The following SLCO6A1 variants were observed in gnomAD, a reference collection of about 807,000 sequenced individuals.
SLCO6A1 encodes the protein solute carrier organic anion transporter family member 6A1, also known as cancer/testis antigen 48.
A neutral mutation model predicts 72.7 loss-of-function variants in SLCO6A1; 65 were observed. The ratio of observed to expected loss-of-function variants is 0.89; its 90% CI spans 0.73 to 1.10. The LOEUF (loss-of-function observed/expected upper bound fraction) is 1.10. Among genes scored for constraint, SLCO6A1 ranks in the 50% least tolerant of loss-of-function variants. SLCO6A1 has a pLI of 0.00. For missense variants in SLCO6A1, 874 were observed against 872.6 expected (o/e 1.00, Z -0.02); for synonymous variants, 314 against 298.2 (o/e 1.05, Z -0.55).
intron 6 of SLCO6A1, among the ~76,000 whole-genome samples, chr5:102,440,515 G>A (rs528607270): frequency 1.3e-5 from 2 of 152,204 alleles, no homozygotes; most frequent in South Asian, 4.2e-4. Context: ...TCTACTTTAT[G>A]GTGAGTGTGT....
At chr5:102,418,187 T>A (rs1748396684) in intron 8 of SLCO6A1, among the ~76,000 whole-genome samples, 1 of 152,130 alleles carries the variant, frequency 6.6e-6, no homozygotes, top group African/African-American at 2.4e-5. Context: ...CATTTATACA[T>A]AAAGTATATG....
chr5:102,434,549 T>C (rs768747843), intron 7 of SLCO6A1, among the ~76,000 whole-genome samples: 27 of 152,318 alleles, frequency 1.8e-4, no homozygotes, highest in Admixed American at 6.5e-4. Context: ...TGGTGTCTTC[T>C]TCCAGCACAC....
At chr5:102,469,988 C>A (rs55660231) in intron 4 of SLCO6A1, among the ~76,000 whole-genome samples, 11 of 152,016 alleles carry the variant, frequency 7.2e-5, no homozygotes, top group Non-Finnish European at 1.2e-4. Flanking sequence ...GTTGAACCAG[C>A]CTTGCATCCC....
intron 10 of SLCO6A1, among the ~76,000 whole-genome samples, chr5:102,396,490 C>T (rs1462718558): frequency 6.6e-6 from 1 of 152,110 alleles, no homozygotes; most frequent in Non-Finnish European, 1.5e-5. Flanking sequence ...TAGAATCAGG[C>T]TATGTAGTTC....
chr5:102,416,368 T>A (rs1748286509), intron 8 of SLCO6A1, among the ~76,000 whole-genome samples: 1 of 151,908 alleles, frequency 6.6e-6, no homozygotes, highest in Non-Finnish European at 1.5e-5. Context: ...TACATATATA[T>A]ACACACACGT....
intron 6 of SLCO6A1, among the ~76,000 whole-genome samples, chr5:102,456,308 G>A (rs1750710342): frequency 6.6e-6 from 1 of 152,156 alleles, no homozygotes; most frequent in Non-Finnish European, 1.5e-5. Flanking sequence ...AAAAGAGGAA[G>A]TCAAATTGTC....
intron 10 of SLCO6A1, among the ~76,000 whole-genome samples, chr5:102,395,352 C>T (rs1449007313): frequency 6.6e-6 from 1 of 152,042 alleles, no homozygotes; most frequent in East Asian, 1.9e-4. Flanking sequence ...CATCCATGTC[C>T]CTACAAAGGA....
chr5:102,382,334 A>G (rs1294896927), intron 12 of SLCO6A1, among the ~76,000 whole-genome samples: 1 of 151,656 alleles, frequency 6.6e-6, no homozygotes, highest in Non-Finnish European at 1.5e-5. Context: ...TTCCATTTCA[A>G]TGGCCTATGT....
At chr5:102,381,169 T>C (rs1317532851) in intron 12 of SLCO6A1, among the ~76,000 whole-genome samples, 1 of 151,838 alleles carries the variant, frequency 6.6e-6, no homozygotes, top group African/African-American at 2.4e-5. Context: ...ACAATAGATG[T>C]CAAGAATTTA....
At chr5:102,459,614 A>C in intron 5 of SLCO6A1, 42 bp downstream of exon 5, 1 of 1,536,676 alleles carries the variant, frequency 6.5e-7, no homozygotes, top group Non-Finnish European at 8.7e-7. Flanking sequence ...TGGTGGAAGA[A>C]ACTACTATCC....
At chr5:102,396,533 AAAATTAT>A (rs1364098017) in intron 10 of SLCO6A1, among the ~76,000 whole-genome samples, 5 of 152,180 alleles carry the variant, frequency 3.3e-5, no homozygotes, top group African/African-American at 1.2e-4. Context: ...TTATCATGTT[AAAATTAT>A]AAATTAACTT....
rs1200200259 is a variant in SLCO6A1, at chr5:102,427,864, ATTTTTTT to A, written c.1277-7850_1277-7844del. On this transcript the variant is annotated intron_variant, in intron 7 of 13. Coordinates refer to ENST00000506729, the MANE Select transcript of SLCO6A1 (RefSeq NM_173488.5). The stretch of plus-strand genomic sequence containing the variant: ...TGTATACATATATATATATATATAT[ATTTTTTT>A]TTTTTTTTTTTTTTTTGAGACCGAG... 7.7e-3 allele frequency among the ~76,000 whole-genome samples: 586 copies of A among 76,202 alleles called. 1 individual carries two copies. Among genetic ancestry groups the A allele is most frequent in the African/African-American group, 0.03 (516 of 17,038 alleles). 50.0% of individuals were successfully genotyped at this position (76,202 alleles called of 152,430 possible).
chr5:102,436,333 T>G (rs1561460077), intron 7 of SLCO6A1, among the ~76,000 whole-genome samples: 1 of 152,160 alleles, frequency 6.6e-6, no homozygotes, highest in Non-Finnish European at 1.5e-5. Context: ...CACCTTCACC[T>G]GCAAGGGTAA....
At chr5:102,436,689 C>A (rs905933157) in intron 7 of SLCO6A1, among the ~76,000 whole-genome samples, 3 of 152,126 alleles carry the variant, frequency 2.0e-5, no homozygotes, top group African/African-American at 4.8e-5. Flanking sequence ...ACTGCAGCCT[C>A]TAGATAAAAG....
In SLCO6A1 at chr5:102,475,710, T is replaced by C; in HGVS notation, c.886A>G (p.Thr296Ala). The C allele has an allele frequency of 3.1e-6, 5 of 1,598,164 alleles. No individual in the cohort carries two copies. Among genetic ancestry groups the C allele is most frequent in the South Asian group, 2.3e-5 (2 of 87,546 alleles). The change falls in exon 4 of 14, where the codon ACT (threonine) becomes GCT (alanine). Residue 296 changes from threonine (T) to alanine (A), a missense_variant. Coordinates refer to ENST00000506729, the MANE Select transcript of SLCO6A1 (RefSeq NM_173488.5). Reference sequence around the variant, plus strand: ...ATAATGCCTTACTTTGTTGCAGAAGTAGTATTCTCAGGGACTTTAACTAGT... The same window carrying C: ...ATAATGCCTTACTTTGTTGCAGAAGCAGTATTCTCAGGGACTTTAACTAGT... ...APLVKVPENT[T>A]SATNTTVNNG...
intron 9 of SLCO6A1, among the ~76,000 whole-genome samples, chr5:102,410,054 G>C (rs796794278): frequency 3.3e-5 from 5 of 152,282 alleles, no homozygotes; most frequent in African/African-American, 9.6e-5. Flanking sequence ...CTTTGCCCAA[G>C]TTCTTATCCT....
In SLCO6A1 at chr5:102,468,840, G is replaced by A. The variant is rs186607094; in HGVS notation, c.899+6857C>T. Among the ~76,000 whole-genome samples, 7 of 152,076 alleles carry A rather than the reference G, an allele frequency of 4.6e-5. No homozygotes were observed. In the East Asian group the frequency reaches 9.6e-4, roughly 21 times the overall value. ...CCATCTTGAGTTAATTTTTGTATAC[G>A]GTGTAAGGAAAGGATCCAGTTTCAG... On this transcript the variant is annotated intron_variant, in intron 4 of 13. Transcript: ENST00000506729.
chr5:102,393,454 T>C (rs78514634), intron 10 of SLCO6A1, among the ~76,000 whole-genome samples: 2,422 of 152,288 alleles, frequency 0.016, 61 homozygotes, highest in African/African-American at 0.055. Flanking sequence ...TTGTTCCCAC[T>C]GTGTGAAATA....
intron 1 of SLCO6A1, among the ~76,000 whole-genome samples, chr5:102,490,263 A>G (rs1485714325): frequency 6.6e-6 from 1 of 152,252 alleles, no homozygotes; most frequent in African/African-American, 2.4e-5. Context: ...TTCTCACCAC[A>G]AAGGAATGAT....
Sources: gnomAD v4.1 joint callset for allele counts (sites outside exome capture counted in the v4.1 genomes callset) on GRCh38, gnomAD v4.1.1 for gene constraint, MANE v1.5 for transcripts, NCBI Gene and HGNC (gene_info 2026-07-23, HGNC 2026-07-21) for gene names.